The following CXADR variants were observed in gnomAD, a reference collection of about 807,000 sequenced individuals.
The protein encoded by CXADR is CXADR cell adhesion molecule, also known as coxsackievirus and adenovirus receptor.
CXADR carries 20 observed loss-of-function variants against 40.3 expected under a neutral mutation model. The ratio of observed to expected loss-of-function variants is 0.50; its 90% confidence interval spans 0.35 to 0.72. The LOEUF (loss-of-function observed/expected upper bound fraction) is 0.72. Among genes scored for constraint, CXADR ranks in the 30% least tolerant of loss-of-function variants. CXADR has a pLI of 0.01. For missense variants in CXADR, 332 were observed against 449.1 expected (o/e 0.74, Z 2.36); for synonymous variants, 150 against 161.3 (o/e 0.93, Z 0.53).
chr21:17,594,015 G>C, downstream of CXADR: 2 of 1,501,906 alleles, frequency 1.3e-6, no homozygotes, highest in South Asian at 2.7e-5. Flanking sequence ...CTATTAGTAA[G>C]AACTTTTAAC....
chr21:17,541,359 T>C (rs2060825418), intron 1 of CXADR, among the ~76,000 whole-genome samples: 1 of 151,922 alleles, frequency 6.6e-6, no homozygotes, highest in Non-Finnish European at 1.5e-5. Context: ...AAGACCATCC[T>C]GGCTAACACG....
At chr21:17,604,687 T>C in the CXADR span, among the ~76,000 whole-genome samples, 1 of 152,236 alleles carries the variant, frequency 6.6e-6, no homozygotes, top group African/African-American at 2.4e-5. Flanking sequence ...AGCAGAAATC[T>C]AACTAGTCCT....
the CXADR span, among the ~76,000 whole-genome samples, chr21:17,610,141 A>C: frequency 6.6e-6 from 1 of 152,352 alleles, no homozygotes; most frequent in East Asian, 1.9e-4. Flanking sequence ...ATATAGACAG[A>C]AGACAGATTA....
intron 1 of CXADR, among the ~76,000 whole-genome samples, chr21:17,528,672 T>C (rs2060630572): frequency 6.6e-6 from 1 of 152,190 alleles, no homozygotes; most frequent in African/African-American, 2.4e-5. Context: ...CCTCCCAAAG[T>C]GCTGGGATTA....
intron 1 of CXADR, among the ~76,000 whole-genome samples, chr21:17,528,068 C>CTGTTTTTT (rs2060620156): frequency 1.3e-5 from 1 of 78,352 alleles, no homozygotes; most frequent in African/African-American, 5.1e-5. Flanking sequence ...TTAGTTCTTT[C>CTGTTTTTT]TTTTTTTTTT....
downstream of CXADR, among the ~76,000 whole-genome samples, chr21:17,598,086 G>A (rs2061526366): frequency 6.6e-6 from 1 of 152,162 alleles, no homozygotes; most frequent in African/African-American, 2.4e-5. Flanking sequence ...TCTTTGGTAT[G>A]TAGATATAAA....
intron 6 of CXADR, among the ~76,000 whole-genome samples, chr21:17,563,911 A>G (rs1486103280): frequency 1.5e-5 from 2 of 131,514 alleles, no homozygotes; most frequent in Non-Finnish European, 3.1e-5. Context: ...ACTGCACTCC[A>G]GCCTGGGCAA....
intron 1 of CXADR, chr21:17,518,739 A>C (rs1184487621): frequency 6.3e-7 from 1 of 1,594,100 alleles, no homozygotes; most frequent in Non-Finnish European, 8.6e-7. Context: ...CTGCATGACC[A>C]GTAATTGCAA....
chr21:17,573,231 A>G (rs1419584860), downstream of CXADR, among the ~76,000 whole-genome samples: 1 of 152,116 alleles, frequency 6.6e-6, no homozygotes, highest in African/African-American at 2.4e-5. Context: ...GGACCTACCC[A>G]TATAAGCGCA....
At chr21:17,611,277 G>A in the CXADR span, among the ~76,000 whole-genome samples, 1 of 152,262 alleles carries the variant, frequency 6.6e-6, no homozygotes, top group South Asian at 2.1e-4. Context: ...AAGCAAACAA[G>A]GAACCACACT....
At chr21:17,602,328 G>T in the CXADR span, among the ~76,000 whole-genome samples, 5 of 152,122 alleles carry the variant, frequency 3.3e-5, no homozygotes, top group Non-Finnish European at 7.4e-5. Context: ...CAGAGTAAGT[G>T]AAGACTATGA....
intron 1 of CXADR, among the ~76,000 whole-genome samples, chr21:17,528,021 T>C (rs2060618820): frequency 6.6e-6 from 1 of 151,644 alleles, no homozygotes; most frequent in African/African-American, 2.4e-5. Context: ...GAAAGGTATT[T>C]TTTAGCAATT....
At chr21:17,517,392 C>T (rs968774004) in intron 1 of CXADR, among the ~76,000 whole-genome samples, 4 of 152,122 alleles carry the variant, frequency 2.6e-5, no homozygotes, top group African/African-American at 7.2e-5. Flanking sequence ...TAAGATCCAA[C>T]CCAGAGGTAG....
intron 7 of CXADR, chr21:17,576,749 A>G (rs2061324897): frequency 6.6e-6 from 1 of 152,166 alleles, no homozygotes; most frequent in Non-Finnish European, 1.5e-5. Flanking sequence ...AGAAAAATAA[A>G]TGTCTCTACT....
At chr21:17,559,803 C>T (rs778132161) in intron 4 of CXADR, among the ~76,000 whole-genome samples, 70 of 151,044 alleles carry the variant, frequency 4.6e-4, no homozygotes, top group African/African-American at 1.6e-3. Context: ...TTCAGCCTCC[C>T]GAGTAGCTGA....
Position 17,580,857 on chromosome 21 carries a change from C to T in CXADR, c.1018-12295C>T, listed in dbSNP as rs528580543. Among the ~76,000 whole-genome samples, 3 of 152,166 alleles carry T rather than the reference C, an allele frequency of 2.0e-5. No individual in the cohort carries two copies. In the South Asian group the frequency reaches 6.2e-4, roughly 32 times the overall value. ...CCTCAACCTCCAGGGCTCAAGCAGT[C>T]CTCCCACCTCATCCTCCCAAGTGAC... On this transcript the variant is annotated intron_variant, in intron 7 of 7. Coordinates refer to the CXADR transcript ENST00000400169.
intron 1 of CXADR, among the ~76,000 whole-genome samples, chr21:17,528,978 C>A (rs1364334567): frequency 6.6e-6 from 1 of 151,824 alleles, no homozygotes; most frequent in Non-Finnish European, 1.5e-5. Flanking sequence ...CTGTGATGCA[C>A]AGCTGTGTGG....
chr21:17,543,145 T>A (rs879854492), intron 1 of CXADR: 19 of 212,824 alleles, frequency 8.9e-5, no homozygotes, highest in Non-Finnish European at 1.6e-4. Context: ...CATACTCATT[T>A]AAAAAAATCT....
chr21:17,586,382 G>A (rs2061396130), intron 7 of CXADR, among the ~76,000 whole-genome samples: 1 of 140,560 alleles, frequency 7.1e-6, no homozygotes, highest in Non-Finnish European at 1.5e-5. Flanking sequence ...CAAAATGTGT[G>A]TATATATATA....
Sources: gnomAD v4.1 joint callset for allele counts (sites outside exome capture counted in the v4.1 genomes callset) on GRCh38, gnomAD v4.1.1 for gene constraint, MANE v1.5 for transcripts, NCBI Gene and HGNC (gene_info 2026-07-23, HGNC 2026-07-21) for gene names.